The following KCNIP4 variants were observed in gnomAD, a reference collection of about 807,000 sequenced individuals.
KCNIP4 encodes the protein potassium voltage-gated channel interacting protein 4.
Under a neutral mutation model 34.0 loss-of-function variants are expected in KCNIP4, and 12 were observed. The observed-to-expected ratio is 0.35, with a 90% CI of 0.23 to 0.57. The LOEUF is 0.57. KCNIP4 is among the 20% of genes least tolerant of loss of function. The probability of loss-of-function intolerance (pLI) is 0.83; values close to 1 mark genes in which losing one functional copy is unlikely to be tolerated. For synonymous variants in KCNIP4, 124 were observed against 102.2 expected (o/e 1.21, Z -1.29); for missense variants, 238 against 311.7 (o/e 0.76, Z 1.78).
chr4:21,263,117 G>A (rs1258676290), intron 1 of KCNIP4, among the ~76,000 whole-genome samples: 1 of 152,156 alleles, frequency 6.6e-6, no homozygotes, highest in Non-Finnish European at 1.5e-5. Flanking sequence ...TATAAGGGTA[G>A]CATATCTTGG....
intron 5 of KCNIP4, 50 bp from the exon 6 acceptor site, chr4:20,734,785 A>T: frequency 9.4e-7 from 1 of 1,063,750 alleles, no homozygotes. Context: ...AAAAAAACAA[A>T]AACAAAAAAA....
At chr4:21,915,212 C>T (rs1728563165) in intron 1 of KCNIP4, among the ~76,000 whole-genome samples, 1 of 152,058 alleles carries the variant, frequency 6.6e-6, no homozygotes, top group South Asian at 2.1e-4. Flanking sequence ...GCCAGTGTTA[C>T]AATAAAATTT....
At chr4:20,827,693 C>G (rs571306291) in intron 3 of KCNIP4, among the ~76,000 whole-genome samples, 1 of 151,878 alleles carries the variant, frequency 6.6e-6, no homozygotes, top group African/African-American at 2.4e-5. Flanking sequence ...TATTTTCTCA[C>G]ATAATCATCC....
chr4:21,783,374 A>G (rs1312961209), intron 1 of KCNIP4, among the ~76,000 whole-genome samples: 2 of 152,174 alleles, frequency 1.3e-5, no homozygotes, highest in African/African-American at 4.8e-5. Context: ...AGCACCAGAG[A>G]GGAATAAAGA....
At chr4:21,519,343 T>TACACACACAC (rs137872471) in intron 1 of KCNIP4, among the ~76,000 whole-genome samples, 7 of 115,150 alleles carry the variant, frequency 6.1e-5, no homozygotes, top group East Asian at 2.8e-4. Context: ...GAGAGAGAGA[T>TACACACACAC]ACACACACAC....
chr4:21,811,265 T>C (rs1200885036), intron 1 of KCNIP4, among the ~76,000 whole-genome samples: 2 of 152,328 alleles, frequency 1.3e-5, no homozygotes, highest in Non-Finnish European at 2.9e-5. Context: ...AGGTTAAAGA[T>C]GGATAAGAGT....
At chr4:20,741,269 T>G in intron 5 of KCNIP4, among the ~76,000 whole-genome samples, 1 of 152,176 alleles carries the variant, frequency 6.6e-6, no homozygotes, top group Admixed American at 6.5e-5. Flanking sequence ...AGAATATAGA[T>G]TCTTCTCAGC....
At chr4:21,826,234 T>A (rs1722670045) in intron 1 of KCNIP4, among the ~76,000 whole-genome samples, 1 of 152,186 alleles carries the variant, frequency 6.6e-6, no homozygotes, top group Non-Finnish European at 1.5e-5. Context: ...TTTTGACAGT[T>A]ACATGGGGAT....
At chr4:20,976,325 A>G (rs1735486794) in intron 1 of KCNIP4, among the ~76,000 whole-genome samples, 1 of 152,254 alleles carries the variant, frequency 6.6e-6, no homozygotes, top group Admixed American at 6.5e-5. Flanking sequence ...AGCATTCTTC[A>G]GAGAACGGTA....
intron 1 of KCNIP4, among the ~76,000 whole-genome samples, chr4:21,001,489 C>A (rs1175438814): frequency 6.6e-6 from 1 of 152,138 alleles, no homozygotes; most frequent in Admixed American, 6.5e-5. Flanking sequence ...GGCTGAATTG[C>A]CCTGCCTAAT....
intron 3 of KCNIP4, among the ~76,000 whole-genome samples, chr4:20,819,702 G>A (rs561192387): frequency 1.5e-4 from 23 of 152,266 alleles, no homozygotes; most frequent in Admixed American, 2.0e-4. Context: ...TGAGTGCTTC[G>A]CCTCATTAAT....
At chr4:20,994,118 T>G (rs1055583025) in intron 1 of KCNIP4, among the ~76,000 whole-genome samples, 3 of 152,214 alleles carry the variant, frequency 2.0e-5, no homozygotes, top group African/African-American at 7.2e-5. Context: ...CAACCTTAAT[T>G]TCATTCACAA....
chr4:21,615,316 G>A (rs529352464), intron 1 of KCNIP4, among the ~76,000 whole-genome samples: 9 of 151,872 alleles, frequency 5.9e-5, no homozygotes, highest in East Asian at 1.9e-4. Flanking sequence ...TGAGGCGGGC[G>A]GATCACGAGG....
At chr4:21,222,366 T>G (rs943634673) in intron 1 of KCNIP4, among the ~76,000 whole-genome samples, 1 of 152,144 alleles carries the variant, frequency 6.6e-6, no homozygotes, top group African/African-American at 2.4e-5. Flanking sequence ...TAGAGTAAAC[T>G]TTAGAAATAG....
At chr4:21,032,685 C>T (rs986633535) in intron 1 of KCNIP4, among the ~76,000 whole-genome samples, 5 of 152,062 alleles carry the variant, frequency 3.3e-5, no homozygotes, top group Admixed American at 6.6e-5. Context: ...TTTCTGATCC[C>T]GTTTGTACTG....
intron 1 of KCNIP4, among the ~76,000 whole-genome samples, chr4:21,166,094 A>G (rs1753609494): frequency 6.6e-6 from 1 of 152,142 alleles, no homozygotes; most frequent in South Asian, 2.1e-4. Flanking sequence ...TGAGCAATAT[A>G]TTTATGCTAT....
intron 1 of KCNIP4, among the ~76,000 whole-genome samples, chr4:21,270,250 A>G (rs11940323): frequency 0.19 from 28,766 of 152,068 alleles, 3,641 homozygotes; most frequent in African/African-American, 0.35. Flanking sequence ...TGCCAAATAT[A>G]AAAAGGGATG....
In KCNIP4 at chr4:21,683,446, A is replaced by ATTTTT. The variant is rs71191533; in HGVS notation, c.61+265120_61+265124dup. Among the ~76,000 whole-genome samples, 97 of 46,612 alleles carry ATTTTT rather than the reference A, an allele frequency of 2.1e-3. 18 individuals are homozygous for ATTTTT. The highest frequency in any genetic ancestry group is 3.2e-3 in the Non-Finnish European group (78 of 24,000). 30.6% of individuals were successfully genotyped at this position (46,612 alleles called of 152,430 possible). A position where few individuals can be genotyped will look rare whatever the true frequency, so the allele number is the denominator to read the frequency against. The stretch of plus-strand genomic sequence containing the variant: ...TACGACTAATGATTGGTGAAGCCAG[A>ATTTTT]TTTTTTTTTTTTTTTTTTTTTTTTT... On this transcript the variant is annotated intron_variant, in intron 1 of 8. Coordinates refer to ENST00000382152, the MANE Select transcript of KCNIP4 (RefSeq NM_025221.6).
chr4:21,258,946 A>G (rs1318332423), intron 1 of KCNIP4, among the ~76,000 whole-genome samples: 3 of 152,132 alleles, frequency 2.0e-5, no homozygotes, highest in Admixed American at 6.5e-5. Context: ...AATAGAAAAC[A>G]TTTTTTGAAT....
Sources: allele counts gnomAD v4.1 joint callset (sites outside exome capture counted in the v4.1 genomes callset), GRCh38; gene constraint gnomAD v4.1.1; transcripts MANE v1.5; gene names NCBI Gene and HGNC (gene_info 2026-07-23, HGNC 2026-07-21).